The following KIAA1328 variants were observed in gnomAD, a reference collection of about 807,000 sequenced individuals.
KIAA1328 encodes the protein KIAA1328, also known as protein hinderin.
Under a neutral mutation model 68.1 loss-of-function variants are expected in KIAA1328, and 52 were observed. The ratio of observed to expected loss-of-function variants is 0.76; its 90% confidence interval spans 0.61 to 0.96. The LOEUF (loss-of-function observed/expected upper bound fraction) is 0.96, where lower values mean the gene tolerates loss of function less well. Among genes scored for constraint, KIAA1328 ranks in the 40% least tolerant of loss-of-function variants. The probability of loss-of-function intolerance (pLI) is 0.00; values close to 1 mark genes in which losing one functional copy is unlikely to be tolerated. For missense variants in KIAA1328, 641 were observed against 677.6 expected (o/e 0.95, Z 0.60); for synonymous variants, 232 against 239.4 (o/e 0.97, Z 0.28).
chr18:37,178,921 A>G (rs1216906663), intron 9 of KIAA1328, among the ~76,000 whole-genome samples: 1 of 151,750 alleles, frequency 6.6e-6, no homozygotes. Flanking sequence ...TTTTTTAGTC[A>G]CTTTATTTTC....
At chr18:37,023,315 A>G (rs562992059) in intron 6 of KIAA1328, among the ~76,000 whole-genome samples, 1 of 152,292 alleles carries the variant, frequency 6.6e-6, no homozygotes, top group African/African-American at 2.4e-5. Context: ...CCTGGAGTCA[A>G]GCGATGCTCC....
chr18:37,222,102 G>A lies in KIAA1328; in HGVS notation c.1609G>A (p.Gly537Arg). ...TCAGCGCTATCCCTCCAGAGAAGCT[G>A]GGGCCTGGAATCATGGTACTTTCCG... is the stretch of plus-strand genomic sequence containing the variant. ...KPQRYPSREA[G>R]AWNHGTFRLS... Residue 537 changes from glycine to arginine, a missense_variant, in exon 10 of 10, where the codon GGG (glycine) becomes AGG (arginine). Coordinates refer to ENST00000280020, the MANE Select transcript of KIAA1328 (RefSeq NM_020776.3). The A allele has an allele frequency of 6.2e-7, 1 of 1,613,558 alleles. No individual in the cohort carries two copies.
At chr18:36,979,167 A>G (rs1430349359) in intron 6 of KIAA1328, among the ~76,000 whole-genome samples, 1 of 149,954 alleles carries the variant, frequency 6.7e-6, no homozygotes, top group Non-Finnish European at 1.5e-5. Context: ...ATCTCTAAAA[A>G]TAATAAAATA....
intron 4 of KIAA1328, among the ~76,000 whole-genome samples, chr18:36,851,220 G>C (rs767464975): frequency 6.6e-6 from 1 of 152,026 alleles, no homozygotes; most frequent in East Asian, 1.9e-4. Context: ...CTGGCATTTT[G>C]TTGGGGATTT....
intron 5 of KIAA1328, among the ~76,000 whole-genome samples, chr18:36,897,012 T>C (rs1006969218): frequency 3.9e-5 from 6 of 152,108 alleles, no homozygotes; most frequent in African/African-American, 9.7e-5. Flanking sequence ...TAGAGACTTA[T>C]GCAGTAACAT....
intron 9 of KIAA1328, among the ~76,000 whole-genome samples, chr18:37,181,559 G>A (rs2059699072): frequency 6.6e-6 from 1 of 152,154 alleles, no homozygotes; most frequent in Non-Finnish European, 1.5e-5. Flanking sequence ...CTGGTTTATA[G>A]TGTGTAAGTT....
At chr18:37,033,468 C>A (rs1021339397) in intron 6 of KIAA1328, among the ~76,000 whole-genome samples, 1 of 152,144 alleles carries the variant, frequency 6.6e-6, no homozygotes, top group Non-Finnish European at 1.5e-5. Context: ...GTAGGGTAGT[C>A]TTTTCTCTAA....
chr18:37,121,013 T>C (rs2058254169), intron 7 of KIAA1328, among the ~76,000 whole-genome samples: 1 of 152,136 alleles, frequency 6.6e-6, no homozygotes, highest in Admixed American at 6.5e-5. Context: ...AAAGACAAAC[T>C]CTATTCTATC....
At chr18:37,031,427 C>A (rs2054823686) in intron 6 of KIAA1328, among the ~76,000 whole-genome samples, 2 of 152,098 alleles carry the variant, frequency 1.3e-5, no homozygotes, top group Admixed American at 1.3e-4. Flanking sequence ...GCCTCTTTAT[C>A]CCTGTTATTA....
At chr18:37,040,310 A>G (rs2055195142) in intron 6 of KIAA1328, among the ~76,000 whole-genome samples, 1 of 152,196 alleles carries the variant, frequency 6.6e-6, no homozygotes, top group Admixed American at 6.5e-5. Context: ...AGTTAAATTC[A>G]GTAACTTACC....
chr18:37,091,422 T>A (rs1359881774), intron 7 of KIAA1328, among the ~76,000 whole-genome samples: 1 of 152,080 alleles, frequency 6.6e-6, no homozygotes, highest in East Asian at 1.9e-4. Context: ...AGGGAAAGAG[T>A]TAGCAAGTGA....
intron 7 of KIAA1328, among the ~76,000 whole-genome samples, chr18:37,093,390 A>G (rs1402403495): frequency 6.6e-6 from 1 of 152,226 alleles, no homozygotes; most frequent in Admixed American, 6.5e-5. Context: ...AGACAAACAT[A>G]CAAAGAAATC....
chr18:37,156,023 A>C (rs1347373061), intron 7 of KIAA1328, among the ~76,000 whole-genome samples: 1 of 152,166 alleles, frequency 6.6e-6, no homozygotes, highest in Admixed American at 6.5e-5. Context: ...CATAACATCC[A>C]GTATATTCCT....
intron 6 of KIAA1328, among the ~76,000 whole-genome samples, chr18:36,982,919 A>C (rs1270661898): frequency 6.6e-6 from 1 of 152,006 alleles, no homozygotes. Context: ...TATCAGTTGA[A>C]GATAGGCTGT....
chr18:36,959,280 G>T (rs767080800), intron 5 of KIAA1328, 28 bp from the exon 6 acceptor site: 4 of 1,540,584 alleles, frequency 2.6e-6, no homozygotes, highest in African/African-American at 1.4e-5. Context: ...CAATTTTTCA[G>T]TTTTTTTCCC....
At chr18:37,064,459 ATGTCTGTGG>A in intron 6 of KIAA1328, among the ~76,000 whole-genome samples, 1 of 151,078 alleles carries the variant, frequency 6.6e-6, no homozygotes, top group Non-Finnish European at 1.5e-5. Context: ...CATTTGTTTT[ATGTCTGTGG>A]AGTAGCTAGC....
intron 5 of KIAA1328, among the ~76,000 whole-genome samples, chr18:36,899,025 C>T (rs1266461756): frequency 6.6e-6 from 1 of 151,886 alleles, no homozygotes; most frequent in Non-Finnish European, 1.5e-5. Context: ...TAGGTATTAA[C>T]TGGAAGTGAT....
At chr18:36,980,624 A>G (rs775884804) in intron 6 of KIAA1328, among the ~76,000 whole-genome samples, 13 of 152,036 alleles carry the variant, frequency 8.6e-5, no homozygotes, top group Non-Finnish European at 1.3e-4. Flanking sequence ...GAGAAGTACA[A>G]TTATTCTGGA....
intron 6 of KIAA1328, among the ~76,000 whole-genome samples, chr18:36,982,111 A>G (rs1162455321): frequency 7.1e-6 from 1 of 140,622 alleles, no homozygotes; most frequent in African/African-American, 2.5e-5. Context: ...TAATATAATT[A>G]TATAATATAT....
Sources: gnomAD v4.1 joint callset for allele counts (sites outside exome capture counted in the v4.1 genomes callset) on GRCh38, gnomAD v4.1.1 for gene constraint, MANE v1.5 for transcripts, NCBI Gene and HGNC (gene_info 2026-07-23, HGNC 2026-07-21) for gene names.